The following DSCAML1 variants were observed in gnomAD, a reference collection of about 807,000 sequenced individuals.
DSCAML1 encodes DS cell adhesion molecule like 1, also known as cell adhesion molecule DSCAML1.
Under a neutral mutation model 200.5 loss-of-function variants are expected in DSCAML1, and 38 were observed. That is an observed-to-expected ratio of 0.19 (90% confidence interval 0.15 to 0.25). The LOEUF is 0.25. Among genes scored for constraint, DSCAML1 ranks in the 10% least tolerant of loss-of-function variants. The probability of loss-of-function intolerance (pLI) is 1.00; values close to 1 mark genes in which losing one functional copy is unlikely to be tolerated. For synonymous variants in DSCAML1, 1,215 were observed against 1,165.0 expected, an observed-to-expected ratio of 1.04 and a Z score of -0.87; for missense variants, 2,223 against 2,858.8, an observed-to-expected ratio of 0.78 and a Z score of 5.07.
intron 3 of DSCAML1, among the ~76,000 whole-genome samples, chr11:117,774,970 A>G (rs2055106178): frequency 6.6e-6 from 1 of 152,140 alleles, no homozygotes; most frequent in African/African-American, 2.4e-5. Context: ...GCACCCCCCA[A>G]ATTTTAATGC....
chr11:117,520,731 AAAAC>A (rs766821721), intron 6 of DSCAML1, among the ~76,000 whole-genome samples: 1 of 152,150 alleles, frequency 6.6e-6, no homozygotes, highest in Non-Finnish European at 1.5e-5. Flanking sequence ...AAAACAAAAC[AAAAC>A]AAACCATAAA....
chr11:117,486,911 C>CTTTTTT (rs56805170), intron 11 of DSCAML1, among the ~76,000 whole-genome samples: 1,113 of 79,556 alleles, frequency 0.014, 110 homozygotes, highest in East Asian at 0.056. Context: ...TGTAAAATAC[C>CTTTTTT]TTTTTTTTTT....
At position 117,463,365 on chromosome 11, in the gene DSCAML1, T is replaced by C. The variant is rs2048519496; in HGVS notation, c.3265+1577A>G. On this transcript the variant is annotated intron_variant, in intron 17 of 32. Coordinates refer to ENST00000651296, the MANE Select transcript of DSCAML1 (RefSeq NM_020693.4). The surrounding 1 kb of genome is among the most constrained non-coding windows in gnomAD (Gnocchi z 4.0). ...GGAACTTATTAGAAATAATACATCC[T>C]TTTTTTTTTTTTTTTAGAGATGGGG... Among the ~76,000 whole-genome samples, 1 of 126,218 alleles carries C rather than the reference T, an allele frequency of 7.9e-6. No homozygotes were observed. The highest frequency in any genetic ancestry group is 1.7e-5 in the Non-Finnish European group (1 of 58,420). 82.8% of individuals were successfully genotyped at this position (126,218 alleles called of 152,430 possible).
intron 3 of DSCAML1, among the ~76,000 whole-genome samples, chr11:117,632,257 C>T (rs2052190422): frequency 6.6e-6 from 1 of 152,202 alleles, no homozygotes; most frequent in Non-Finnish European, 1.5e-5. Context: ...CACATGCGGT[C>T]TTGGATGCTC....
intron 3 of DSCAML1, among the ~76,000 whole-genome samples, chr11:117,672,050 G>A (rs910926107): frequency 2.8e-5 from 4 of 143,084 alleles, no homozygotes; most frequent in Middle Eastern, 3.9e-3. Context: ...ACAGTGAGCC[G>A]AGATCGCGCC....
At chr11:117,513,740 C>CA (rs58490526) in intron 8 of DSCAML1, among the ~76,000 whole-genome samples, 2,775 of 77,516 alleles carry the variant, frequency 0.036, 65 homozygotes, top group Admixed American at 0.06. Context: ...GACTCTATCT[C>CA]AAAAAAAAAA....
intron 3 of DSCAML1, among the ~76,000 whole-genome samples, chr11:117,553,354 T>C (rs1216948289): frequency 1.3e-5 from 2 of 152,166 alleles, no homozygotes; most frequent in African/African-American, 4.8e-5. Flanking sequence ...AGGCAACCCA[T>C]GGAATGGGAG....
intron 3 of DSCAML1, among the ~76,000 whole-genome samples, chr11:117,716,403 C>T (rs902505335): frequency 3.3e-5 from 5 of 152,138 alleles, no homozygotes; most frequent in African/African-American, 1.2e-4. Context: ...CAGCTTGAAG[C>T]GGGTCACCAA....
intron 3 of DSCAML1, among the ~76,000 whole-genome samples, chr11:117,590,667 C>G (rs902758095): frequency 6.6e-6 from 1 of 152,144 alleles, no homozygotes; most frequent in East Asian, 1.9e-4. Flanking sequence ...TGGATGGCGT[C>G]TGGGGACCAG....
intron 1 of DSCAML1, among the ~76,000 whole-genome samples, chr11:117,804,533 G>A (rs1451226715): frequency 1.3e-5 from 2 of 152,166 alleles, no homozygotes; most frequent in Non-Finnish European, 2.9e-5. Context: ...GCTACCGCAG[G>A]CCCCCACACC....
intron 7 of DSCAML1, among the ~76,000 whole-genome samples, chr11:117,517,236 G>A (rs2049789035): frequency 6.6e-6 from 1 of 152,222 alleles, no homozygotes; most frequent in African/African-American, 2.4e-5. Context: ...CGCCAGGTGA[G>A]CTGATGACTT....
intron 3 of DSCAML1, among the ~76,000 whole-genome samples, chr11:117,573,132 G>A (rs2050874605): frequency 2.0e-5 from 3 of 152,178 alleles, no homozygotes; most frequent in Admixed American, 6.5e-5. Context: ...GCTAGCACTC[G>A]AAGCTCACAC....
rs142060389 is a variant in DSCAML1 at position 117,488,610 on chromosome 11, A to G, written c.2360-6448T>C. Reference sequence around the variant, plus strand: ...CACCTCAACAGACAGTCACAAACACAGTCACCCTCACAGCCTATGCTCTGA... The same window carrying G: ...CACCTCAACAGACAGTCACAAACACGGTCACCCTCACAGCCTATGCTCTGA... On this transcript the variant is annotated intron_variant, in intron 11 of 32. Coordinates refer to ENST00000651296, the MANE Select transcript of DSCAML1 (RefSeq NM_020693.4). Among the ~76,000 whole-genome samples, 262 of 152,250 alleles carry G rather than the reference A, an allele frequency of 1.7e-3. 2 individuals are homozygous for G. The highest frequency in any genetic ancestry group is 6.8e-3 in the Middle Eastern group (2 of 294).
rs563772293 is a variant in DSCAML1, at chr11:117,464,996, G to A, written c.3211C>T (p.Arg1071Trp). The A allele has an allele frequency of 8.7e-6, 14 of 1,613,970 alleles. No individual in the cohort carries two copies. The highest frequency in any genetic ancestry group is 1.2e-5 in the Non-Finnish European group (14 of 1,179,980). Residue 1071 changes from arginine (R) to tryptophan (W), a missense_variant, in exon 17 of 33, where the codon CGG becomes TGG. Around this residue, in one of 7 missense-constraint regions of DSCAML1, gnomAD observed 438 missense variants for 629.7 expected, o/e 0.70. Coordinates refer to ENST00000651296, the MANE Select transcript of DSCAML1 (RefSeq NM_020693.4). ...CTGGAAGAGGGCCCCGTGCCAGCCC[G>A]ATTGAAGGCTTGGACCACCACCCCA... ...QYGVVVQAFN[R>W]AGTGPSSSEI...
At chr11:117,501,687 A>G (rs966674823) in intron 11 of DSCAML1, among the ~76,000 whole-genome samples, 5 of 151,858 alleles carry the variant, frequency 3.3e-5, no homozygotes, top group African/African-American at 1.2e-4. Flanking sequence ...AAGGCTGGAG[A>G]GCAGCCCATC....
At chr11:117,675,499 T>TTAG in intron 3 of DSCAML1, among the ~76,000 whole-genome samples, 1 of 123,078 alleles carries the variant, frequency 8.1e-6, no homozygotes, top group South Asian at 2.8e-4. Flanking sequence ...TTTTTTTTTT[T>TTAG]AGAGACAGGG....
chr11:117,677,494 G>A (rs2053235888), intron 3 of DSCAML1, among the ~76,000 whole-genome samples: 2 of 152,124 alleles, frequency 1.3e-5, no homozygotes, highest in African/African-American at 4.8e-5. Flanking sequence ...GGAGAGGGGA[G>A]GGTGCTGAGG....
chr11:117,453,006 C>G lies in DSCAML1; in HGVS notation c.3569-2318G>C, dbSNP rs531500867. 2.7e-3 allele frequency among the ~76,000 whole-genome samples: 404 copies of G among 152,010 alleles called. 2 individuals are homozygous for G. The highest frequency in any genetic ancestry group is 9.1e-3 in the African/African-American group (377 of 41,420). On this transcript the variant is annotated intron_variant, in intron 19 of 32. Transcript: ENST00000651296. ...AGTGCAGTGGTGTGGTCTCGGCTCA[C>G]TCACTGCAACCTCCACCTCCCGGGT... is the stretch of plus-strand genomic sequence containing the variant.
In DSCAML1 at chr11:117,780,674, C is replaced by T; in HGVS notation, c.183G>A (p.Leu61=). Residue 61 remains leucine, a synonymous_variant, in exon 2 of 33, where the codon CTG becomes CTA. Coordinates refer to ENST00000651296, the MANE Select transcript of DSCAML1 (RefSeq NM_020693.4). This position sits in a 1 kb window ranked among gnomAD's most constrained non-coding sequence, Gnocchi z 4.8. ...GSPSAALRWY[L]ATGDDIYDVP... ...CGTCGTAGATGTCGTCCCCTGTGGC[C>T]AGGTACCATCGAAGGGCCGCGCTGG... 2 of 1,593,688 alleles carry T rather than the reference C, an allele frequency of 1.3e-6. No individual in the cohort carries two copies. The highest frequency in any genetic ancestry group is 2.7e-5 in the African/African-American group (2 of 74,418).
Sources: allele counts gnomAD v4.1 joint callset (sites outside exome capture counted in the v4.1 genomes callset), GRCh38; gene constraint gnomAD v4.1.1; regional missense constraint gnomAD v4.1.1; non-coding constraint Gnocchi (gnomAD v3.1); transcripts MANE v1.5; gene names NCBI Gene and HGNC (gene_info 2026-07-23, HGNC 2026-07-21).